ZNF804A: variants seen among roughly 807,000 people sequenced by gnomAD.
ZNF804A encodes zinc finger protein 804A.
In ZNF804A, 2 loss-of-function variants were observed where a neutral mutation model predicts 16.5. The observed-to-expected ratio is 0.12, with a 90% CI of 0.05 to 0.38. The LOEUF (loss-of-function observed/expected upper bound fraction) is 0.38. ZNF804A is among the 10% of genes least tolerant of loss of function. The pLI is 0.99. For missense variants in ZNF804A, 1,473 were observed against 1,390.7 expected (o/e 1.06, Z -0.94); for synonymous variants, 534 against 489.6 (o/e 1.09, Z -1.20).
Position 184,926,541 on chromosome 2 carries a change from C to CT in ZNF804A, c.256-7054dup, listed in dbSNP as rs201331731. On this transcript the variant is annotated intron_variant, in intron 2 of 3. Coordinates refer to ENST00000302277, the MANE Select transcript of ZNF804A (RefSeq NM_194250.2). ...CCTTCTTTTACTTGGATATTGGTAACTTTTTTTTAGGTTTGGGGAGTTCAC... is the reference window on the plus strand; with the variant it reads ...CCTTCTTTTACTTGGATATTGGTAACTTTTTTTTTAGGTTTGGGGAGTTCAC... Among the ~76,000 whole-genome samples the CT allele has an allele frequency of 5.0e-3, 752 of 151,824 alleles. 9 individuals are homozygous for CT. Among genetic ancestry groups the CT allele is most frequent in the African/African-American group, 0.017 (706 of 41,448 alleles).
intron 1 of ZNF804A, among the ~76,000 whole-genome samples, chr2:184,628,909 A>T (rs1444259337): frequency 2.0e-5 from 3 of 152,158 alleles, no homozygotes; most frequent in African/African-American, 7.2e-5. Context: ...CAAATAATAC[A>T]TTTTTTACAC....
At chr2:184,766,980 A>G (rs1694138404) in intron 1 of ZNF804A, among the ~76,000 whole-genome samples, 1 of 152,174 alleles carries the variant, frequency 6.6e-6, no homozygotes, top group South Asian at 2.1e-4. Context: ...ACAGCAGGAC[A>G]TACCAGAGGC....
At chr2:184,825,163 T>C (rs1405012312) in intron 1 of ZNF804A, among the ~76,000 whole-genome samples, 1 of 152,194 alleles carries the variant, frequency 6.6e-6, no homozygotes, top group African/African-American at 2.4e-5. Flanking sequence ...AGTCATTTTT[T>C]CACTTCTAGC....
At chr2:184,917,628 C>A (rs146056120) in intron 2 of ZNF804A, among the ~76,000 whole-genome samples, 1 of 151,616 alleles carries the variant, frequency 6.6e-6, no homozygotes, top group African/African-American at 2.4e-5. Context: ...TATTAGTTAT[C>A]GTTAATCTTA....
intron 1 of ZNF804A, among the ~76,000 whole-genome samples, chr2:184,857,028 T>C (rs1167764388): frequency 1.3e-5 from 2 of 152,138 alleles, no homozygotes; most frequent in Admixed American, 1.3e-4. Context: ...TTGAGCTTGA[T>C]CTTCTTTTTC....
chr2:184,695,199 C>T (rs1156247730), intron 1 of ZNF804A, among the ~76,000 whole-genome samples: 3 of 152,064 alleles, frequency 2.0e-5, no homozygotes, highest in Admixed American at 6.5e-5. Flanking sequence ...TGGTGGCTCA[C>T]GCCTGTAATC....
At chr2:184,866,262 G>C (rs1695875382) in intron 1 of ZNF804A, 107 bp from the exon 2 acceptor site, 1 of 956,986 alleles carries the variant, frequency 1.0e-6, no homozygotes, top group Non-Finnish European at 1.5e-6. Context: ...TCTCTTTGCT[G>C]TATTCTGTTT....
chr2:184,768,796 A>G (rs1327268202), intron 1 of ZNF804A, among the ~76,000 whole-genome samples: 1 of 152,084 alleles, frequency 6.6e-6, no homozygotes, highest in Non-Finnish European at 1.5e-5. Flanking sequence ...GTTTATATTT[A>G]CAAATGACTT....
At chr2:184,789,461 C>T (rs1694499007) in intron 1 of ZNF804A, among the ~76,000 whole-genome samples, 1 of 151,960 alleles carries the variant, frequency 6.6e-6, no homozygotes, top group Non-Finnish European at 1.5e-5. Context: ...TCTTTCTGGT[C>T]CTAGGCTTTG....
At chr2:184,864,925 G>A (rs1695852335) in intron 1 of ZNF804A, among the ~76,000 whole-genome samples, 1 of 132,854 alleles carries the variant, frequency 7.5e-6, no homozygotes, top group Admixed American at 8.0e-5. Context: ...CTGTCGCCCA[G>A]GCTGGAGTGC....
At chr2:184,777,395 G>A (rs1694305022) in intron 1 of ZNF804A, among the ~76,000 whole-genome samples, 1 of 151,586 alleles carries the variant, frequency 6.6e-6, no homozygotes, top group Non-Finnish European at 1.5e-5. Flanking sequence ...ATGTTTTCCA[G>A]ATTAGTGACT....
At chr2:184,650,540 T>C (rs1350990369) in intron 1 of ZNF804A, among the ~76,000 whole-genome samples, 1 of 152,088 alleles carries the variant, frequency 6.6e-6, no homozygotes, top group East Asian at 1.9e-4. Context: ...ACGGATGATA[T>C]AATTTTATAC....
intron 2 of ZNF804A, among the ~76,000 whole-genome samples, chr2:184,887,585 C>T (rs1684914043): frequency 1.3e-5 from 2 of 152,142 alleles, no homozygotes; most frequent in African/African-American, 4.8e-5. Context: ...CTGGTGAGGT[C>T]TTGGAATCAT....
intron 1 of ZNF804A, among the ~76,000 whole-genome samples, chr2:184,810,638 C>T (rs1010373473): frequency 2.0e-5 from 3 of 151,766 alleles, no homozygotes; most frequent in Non-Finnish European, 2.9e-5. Context: ...CTACCGGCGC[C>T]CGCCACCACG....
chr2:184,708,211 T>C (rs1693062449), intron 1 of ZNF804A, among the ~76,000 whole-genome samples: 1 of 152,172 alleles, frequency 6.6e-6, no homozygotes, highest in Non-Finnish European at 1.5e-5. Flanking sequence ...TTTCCCATTC[T>C]GTAGGTTGTC....
chr2:184,750,587 C>T (rs1212789558), intron 1 of ZNF804A, among the ~76,000 whole-genome samples: 1 of 151,174 alleles, frequency 6.6e-6, no homozygotes, highest in African/African-American at 2.4e-5. Context: ...TAAGTATATA[C>T]CTGTAAAAAT....
At chr2:184,802,897 G>A (rs548827437) in intron 1 of ZNF804A, among the ~76,000 whole-genome samples, 1 of 152,216 alleles carries the variant, frequency 6.6e-6, no homozygotes, top group East Asian at 1.9e-4. Flanking sequence ...GACTTTAGAT[G>A]TAAATCATGA....
At chr2:184,887,943 G>T (rs1574257498) in intron 2 of ZNF804A, among the ~76,000 whole-genome samples, 2 of 152,072 alleles carry the variant, frequency 1.3e-5, no homozygotes, top group South Asian at 4.1e-4. Flanking sequence ...GACACAAAGA[G>T]GGAAAAAACA....
chr2:184,691,564 C>A (rs1028946485), intron 1 of ZNF804A, among the ~76,000 whole-genome samples: 1 of 151,618 alleles, frequency 6.6e-6, no homozygotes, highest in East Asian at 1.9e-4. Context: ...GACATCAGCA[C>A]AAACTGATAT....
Sources: allele counts gnomAD v4.1 joint callset (sites outside exome capture counted in the v4.1 genomes callset), GRCh38; gene constraint gnomAD v4.1.1; transcripts MANE v1.5; gene names NCBI Gene and HGNC (gene_info 2026-07-23, HGNC 2026-07-21).